Variants in ADAM12 observed in about 807,000 individuals in gnomAD.
ADAM12 encodes disintegrin and metalloproteinase domain-containing protein 12.
In ADAM12, 70 loss-of-function variants were observed where a neutral mutation model predicts 106.4. The ratio of observed to expected loss-of-function variants is 0.66; its 90% CI spans 0.54 to 0.80. The LOEUF is 0.80. Ranked by LOEUF, ADAM12 falls within the 30% of genes least tolerant of loss-of-function variation. The pLI is 0.00. For missense variants in ADAM12, 1,010 were observed against 1,171.9 expected (o/e 0.86, Z 2.02); for synonymous variants, 420 against 433.5 (o/e 0.97, Z 0.39).
intron 21 of ADAM12, among the ~76,000 whole-genome samples, chr10:126,031,293 T>C (rs1953967031): frequency 6.6e-6 from 1 of 152,244 alleles, no homozygotes; most frequent in East Asian, 1.9e-4. Flanking sequence ...AATTGGCATT[T>C]CTGATGAGCA....
intron 21 of ADAM12, among the ~76,000 whole-genome samples, chr10:126,032,298 TCCA>T (rs1343827463): frequency 2.0e-5 from 3 of 152,286 alleles, no homozygotes; most frequent in Non-Finnish European, 4.4e-5. Context: ...CCAAATATTC[TCCA>T]CACCTGCATG....
At chr10:126,373,903 G>T (rs1856195078) in intron 1 of ADAM12, among the ~76,000 whole-genome samples, 1 of 152,210 alleles carries the variant, frequency 6.6e-6, no homozygotes, top group African/African-American at 2.4e-5. Flanking sequence ...TGGAAACCAT[G>T]AGTTCAGTAA....
At chr10:126,286,755 C>A (rs1259090695) in intron 2 of ADAM12, among the ~76,000 whole-genome samples, 1 of 152,092 alleles carries the variant, frequency 6.6e-6, no homozygotes, top group African/African-American at 2.4e-5. Context: ...TGGATTGGGG[C>A]CTGTTTGTTA....
intron 2 of ADAM12, among the ~76,000 whole-genome samples, chr10:126,305,076 G>C (rs1211028417): frequency 6.6e-6 from 1 of 152,020 alleles, no homozygotes; most frequent in African/African-American, 2.4e-5. Context: ...CAATTTCTTA[G>C]AAAGCTAAAC....
intron 3 of ADAM12, among the ~76,000 whole-genome samples, chr10:126,160,740 G>A (rs1486968301): frequency 1.3e-5 from 2 of 152,088 alleles, no homozygotes; most frequent in Non-Finnish European, 1.5e-5. Flanking sequence ...AAATCCCAAC[G>A]CCTCCCGATG....
intron 1 of ADAM12, among the ~76,000 whole-genome samples, chr10:126,349,546 G>C (rs1215235142): frequency 6.6e-6 from 1 of 152,194 alleles, no homozygotes; most frequent in Non-Finnish European, 1.5e-5. Context: ...GCTGGTGCCA[G>C]AGGTGCCTGT....
chr10:126,042,621 C>T (rs912491923), intron 18 of ADAM12, among the ~76,000 whole-genome samples: 6 of 152,200 alleles, frequency 3.9e-5, no homozygotes, highest in Non-Finnish European at 7.3e-5. Flanking sequence ...CCGTGACTGT[C>T]ACCTTTACTA....
At chr10:126,307,026 C>T (rs961081177) in intron 2 of ADAM12, among the ~76,000 whole-genome samples, 1 of 152,148 alleles carries the variant, frequency 6.6e-6, no homozygotes, top group Non-Finnish European at 1.5e-5. Context: ...TTCCATGTGG[C>T]TTCTGTGCTC....
intron 3 of ADAM12, among the ~76,000 whole-genome samples, chr10:126,182,351 T>C (rs757007872): frequency 1.3e-5 from 2 of 152,170 alleles, no homozygotes; most frequent in Non-Finnish European, 2.9e-5. Flanking sequence ...AACACATTTA[T>C]AGTCTCGTAC....
rs1856297566 is a variant in ADAM12 at position 126,376,486 on chromosome 10, G to A, written c.88+11572C>T. On this transcript the variant is annotated intron_variant, in intron 1 of 22. Coordinates refer to ENST00000448723, the MANE Select transcript of ADAM12 (RefSeq NM_001288973.2). ...ATGTTTAAAAATTTCATATTAAAAA[G>A]TTAAAATCTTTTAAAAATAGTGATA... Among the ~76,000 whole-genome samples the A allele has an allele frequency of 2.0e-5, 3 of 152,124 alleles. No individual in the cohort carries two copies. In the South Asian group the frequency reaches 6.2e-4, roughly 32 times the overall value.
At chr10:126,108,232 T>C (rs1188402151) in intron 8 of ADAM12, among the ~76,000 whole-genome samples, 1 of 152,132 alleles carries the variant, frequency 6.6e-6, no homozygotes, top group Non-Finnish European at 1.5e-5. Context: ...GTGGGATCCG[T>C]CATCGGGAGA....
chr10:126,158,924 G>A (rs999535564), intron 3 of ADAM12, among the ~76,000 whole-genome samples: 88 of 149,590 alleles, frequency 5.9e-4, no homozygotes, highest in African/African-American at 2.1e-3. Flanking sequence ...GAGCATGGAG[G>A]GGGGATGCAC....
At chr10:126,325,058 T>G (rs904660643) in intron 2 of ADAM12, among the ~76,000 whole-genome samples, 1 of 151,688 alleles carries the variant, frequency 6.6e-6, no homozygotes, top group Non-Finnish European at 1.5e-5. Flanking sequence ...TCATCAGAAG[T>G]GGGGCCACAA....
chr10:126,175,734 G>T (rs1017263623), intron 3 of ADAM12, among the ~76,000 whole-genome samples: 1 of 152,188 alleles, frequency 6.6e-6, no homozygotes, highest in Non-Finnish European at 1.5e-5. Flanking sequence ...TCGTTCCATC[G>T]GAATGCCCAG....
At chr10:126,165,366 G>A (rs1413218886) in intron 3 of ADAM12, among the ~76,000 whole-genome samples, 4 of 152,156 alleles carry the variant, frequency 2.6e-5, no homozygotes, top group Admixed American at 1.3e-4. Context: ...ATGGGGTTTC[G>A]CCATGTTGGC....
chr10:126,170,049 T>C (rs928123420), intron 3 of ADAM12, among the ~76,000 whole-genome samples: 2 of 152,180 alleles, frequency 1.3e-5, no homozygotes, highest in Admixed American at 1.3e-4. Context: ...CCCAGCTCGG[T>C]GAAGAACTTG....
intron 3 of ADAM12, among the ~76,000 whole-genome samples, chr10:126,276,530 C>CA (rs1416991895): frequency 6.6e-6 from 1 of 151,642 alleles, no homozygotes; most frequent in Non-Finnish European, 1.5e-5. Flanking sequence ...TAACCTTTTG[C>CA]AAAAAAATTG....
At chr10:126,161,270 A>G (rs746132660) in intron 3 of ADAM12, among the ~76,000 whole-genome samples, 1 of 152,124 alleles carries the variant, frequency 6.6e-6, no homozygotes, top group African/African-American at 2.4e-5. Flanking sequence ...TGAGCCCCTG[A>G]TATCTCATTT....
chr10:126,023,437 C>T, intron 21 of ADAM12, among the ~76,000 whole-genome samples: 1 of 151,990 alleles, frequency 6.6e-6, no homozygotes, highest in Non-Finnish European at 1.5e-5. Flanking sequence ...AGGCATCTGC[C>T]AAGTTAGGGA....
Sources: gnomAD v4.1 joint callset for allele counts (sites outside exome capture counted in the v4.1 genomes callset) on GRCh38, gnomAD v4.1.1 for gene constraint, MANE v1.5 for transcripts, NCBI Gene and HGNC (gene_info 2026-07-23, HGNC 2026-07-21) for gene names.